The following AFAP1 variants were observed in gnomAD, a reference collection of about 807,000 sequenced individuals.
The protein encoded by AFAP1 is actin filament associated protein 1.
In AFAP1, 75 loss-of-function variants were observed where a neutral mutation model predicts 93.9. The observed-to-expected ratio is 0.80, with a 90% CI of 0.66 to 0.97. The LOEUF is 0.97. Ranked by LOEUF, AFAP1 falls within the 50% of genes least tolerant of loss-of-function variation. The pLI is 0.00. For missense variants in AFAP1, 1,201 were observed against 1,050.8 expected, an observed-to-expected ratio of 1.14 and a Z score of -1.98; for synonymous variants, 517 against 430.7, an observed-to-expected ratio of 1.20 and a Z score of -2.48.
intron 1 of AFAP1, among the ~76,000 whole-genome samples, chr4:7,903,406 G>C (rs1324722363): frequency 6.6e-6 from 1 of 152,238 alleles, no homozygotes; most frequent in Non-Finnish European, 1.5e-5. Context: ...GCGACCAGGC[G>C]CGGTGGCTCA....
intron 6 of AFAP1, among the ~76,000 whole-genome samples, chr4:7,822,579 CTTTTTTCTTTTTT>C (rs1480505887): frequency 2.8e-5 from 3 of 106,136 alleles, no homozygotes; most frequent in African/African-American, 3.9e-5. Context: ...CTTTCTTTTT[CTTTTTTCTTTTTT>C]TTTTTTTTTT....
intron 17 of AFAP1, among the ~76,000 whole-genome samples, chr4:7,766,320 C>G (rs1714569000): frequency 6.6e-6 from 1 of 152,162 alleles, no homozygotes; most frequent in Non-Finnish European, 1.5e-5. Context: ...GGTCGGCGCT[C>G]AAGGGCAGTC....
At chr4:7,774,666 G>C in intron 15 of AFAP1, 73 bp downstream of exon 15, 1 of 1,554,844 alleles carries the variant, frequency 6.4e-7, no homozygotes, top group Non-Finnish European at 8.7e-7. Flanking sequence ...TAGGTCCTTT[G>C]GGCAAAGCAG....
chr4:7,861,161 T>C (rs1375986755), intron 3 of AFAP1, among the ~76,000 whole-genome samples: 1 of 152,224 alleles, frequency 6.6e-6, no homozygotes, highest in East Asian at 1.9e-4. Context: ...GGGATTAAAA[T>C]CTGTTAGGAG....
At chr4:7,770,236 G>A (rs1470910179) in intron 16 of AFAP1, among the ~76,000 whole-genome samples, 1 of 152,224 alleles carries the variant, frequency 6.6e-6, no homozygotes, top group African/African-American at 2.4e-5. Context: ...AAGCGAGGCG[G>A]GGGGTGGCAA....
intron 9 of AFAP1, among the ~76,000 whole-genome samples, chr4:7,801,914 CAAAAAAAAAAAAAA>C (rs531684652): frequency 1.1e-4 from 7 of 65,198 alleles, no homozygotes; most frequent in Admixed American, 8.9e-4. Context: ...GACCCTATCA[CAAAAAAAAAAAAAA>C]AAAAAAAAAA....
intron 6 of AFAP1, among the ~76,000 whole-genome samples, chr4:7,824,832 G>A (rs924861527): frequency 1.3e-5 from 2 of 152,108 alleles, no homozygotes; most frequent in Admixed American, 6.5e-5. Flanking sequence ...AGGAACTGGT[G>A]AAGGGTACAG....
rs34939228 is a variant in AFAP1, at chr4:7,915,477, T to TAA, written c.-3+24177_-3+24178dup. On this transcript the variant is annotated intron_variant, in intron 1 of 17. Transcript: ENST00000420658. ...CCAGGCAACAGAGCAAAACCCCATCTAAAAAAAAAAAGAAGAAGAAGAAGG... is the reference window on the plus strand; with the variant it reads ...CCAGGCAACAGAGCAAAACCCCATCTAAAAAAAAAAAAAGAAGAAGAAGAAGG... Among the ~76,000 whole-genome samples, 798 of 147,098 alleles carry TAA rather than the reference T, an allele frequency of 5.4e-3. 9 individuals are homozygous for TAA. The highest frequency in any genetic ancestry group is 0.016 in the African/African-American group (637 of 40,102).
rs1200085285 is a variant in AFAP1, at chr4:7,782,454, T to A, written c.1531-827A>T. Among the ~76,000 whole-genome samples, 11 of 152,334 alleles carry A rather than the reference T, an allele frequency of 7.2e-5. 1 individual carries two copies. In the Middle Eastern group the frequency reaches 0.014, roughly 188 times the overall value. On this transcript the variant is annotated intron_variant, in intron 12 of 17. Transcript: ENST00000420658. ...GTCTGTGAAAAGAGAAATCAAATCC[T>A]CATAGAAAATTAGATGCTTCCAAAT...
chr4:7,813,333 G>A (rs1288909562), intron 8 of AFAP1, among the ~76,000 whole-genome samples: 8 of 152,174 alleles, frequency 5.3e-5, no homozygotes, highest in Non-Finnish European at 1.0e-4. Context: ...ACTAACGAGC[G>A]TCTGCTACAT....
chr4:7,926,494 G>C (rs898539392), intron 1 of AFAP1, among the ~76,000 whole-genome samples: 7 of 152,216 alleles, frequency 4.6e-5, no homozygotes, highest in Admixed American at 1.3e-4. Context: ...GCCTACCGTG[G>C]TTAGAAGACG....
chr4:7,928,678 G>A (rs1009577659), intron 1 of AFAP1, among the ~76,000 whole-genome samples: 6 of 152,118 alleles, frequency 3.9e-5, no homozygotes, highest in Admixed American at 1.3e-4. Flanking sequence ...GAGCCACCAC[G>A]CCTGGCCTAC....
chr4:7,864,516 C>G (rs1409895194), intron 3 of AFAP1, among the ~76,000 whole-genome samples: 1 of 152,190 alleles, frequency 6.6e-6, no homozygotes, highest in East Asian at 1.9e-4. Flanking sequence ...TACAGTCCAG[C>G]TAGCTTAACC....
intron 1 of AFAP1, among the ~76,000 whole-genome samples, chr4:7,915,210 C>T (rs76721629): frequency 0.024 from 3,659 of 152,326 alleles, 63 homozygotes; most frequent in South Asian, 0.071. Context: ...TTCCCCCCTA[C>T]GGTGCGTAAG....
rs1479998920 is a variant in AFAP1 at position 7,762,239 on chromosome 4, T to C, written c.*1526A>G. On this transcript the variant is annotated 3_prime_UTR_variant, in exon 18 of 18. Transcript: ENST00000420658. ...ACACAGCTAGCGCTCTGAAAGTATG[T>C]CTGGGGGAAACCCAAGGAGTCAGTC... 5 of 152,262 alleles carry C rather than the reference T, an allele frequency of 3.3e-5. No individual in the cohort carries two copies. The highest frequency in any genetic ancestry group is 7.3e-5 in the Non-Finnish European group (5 of 68,066). The allele number at this position is 152,262 out of a possible 1,614,324, so 9.4% of individuals were successfully genotyped here.
intron 9 of AFAP1, among the ~76,000 whole-genome samples, chr4:7,808,152 A>G (rs1719690843): frequency 6.6e-6 from 1 of 152,240 alleles, no homozygotes; most frequent in South Asian, 2.1e-4. Context: ...GAGCCGCAAT[A>G]GTACACAAGG....
chr4:7,804,979 G>T (rs998528223), intron 9 of AFAP1, among the ~76,000 whole-genome samples: 1 of 152,164 alleles, frequency 6.6e-6, no homozygotes, highest in Non-Finnish European at 1.5e-5. Context: ...TGTCCTCGAC[G>T]AGGCCAGGGG....
intron 11 of AFAP1, among the ~76,000 whole-genome samples, chr4:7,787,208 T>A (rs1717380507): frequency 1.3e-5 from 2 of 152,230 alleles, no homozygotes; most frequent in South Asian, 4.1e-4. Context: ...TCCCGGAGCT[T>A]CTGGACTGTG....
intron 1 of AFAP1, among the ~76,000 whole-genome samples, chr4:7,907,197 G>A (rs1363598128): frequency 6.6e-6 from 1 of 152,122 alleles, no homozygotes; most frequent in African/African-American, 2.4e-5. Flanking sequence ...CTAATGCTGT[G>A]ACCTTAACAA....
Sources: gnomAD v4.1 joint callset for allele counts (sites outside exome capture counted in the v4.1 genomes callset) on GRCh38, gnomAD v4.1.1 for gene constraint, MANE v1.5 for transcripts, NCBI Gene and HGNC (gene_info 2026-07-23, HGNC 2026-07-21) for gene names.